ACYP2: variants seen among roughly 807,000 people sequenced by gnomAD.
The protein encoded by ACYP2 is acylphosphatase 2.
In ACYP2, 12 loss-of-function variants were observed where a neutral mutation model predicts 11.2. The observed-to-expected ratio is 1.08, with a 90% CI of 0.69 to 1.74. The LOEUF (loss-of-function observed/expected upper bound fraction) is 1.74, where lower values mean the gene tolerates loss of function less well. ACYP2 is among the 40% of genes most tolerant of loss of function. ACYP2 has a pLI of 0.00. For synonymous variants in ACYP2, 43 were observed against 32.2 expected (o/e 1.33, Z -1.13); for missense variants, 134 against 101.9 (o/e 1.31, Z -1.35).
intron 6 of ACYP2, among the ~76,000 whole-genome samples, chr2:54,205,527 GTTGATCTGTC>G (rs1342822864): frequency 6.6e-6 from 1 of 152,144 alleles, no homozygotes. Flanking sequence ...GATGGCTTGA[GTTGATCTGTC>G]TTCCCAGATG....
chr2:54,233,250 TGTGAAACTATCA>T (rs1421478718), intron 6 of ACYP2, among the ~76,000 whole-genome samples: 5 of 152,062 alleles, frequency 3.3e-5, no homozygotes, highest in African/African-American at 1.2e-4. Flanking sequence ...TGTGTATACC[TGTGAAACTATCA>T]CCATAATCAA....
intron 6 of ACYP2, among the ~76,000 whole-genome samples, chr2:54,268,455 C>T (rs1284829730): frequency 6.6e-6 from 1 of 151,976 alleles, no homozygotes; most frequent in Admixed American, 6.6e-5. Flanking sequence ...AGGGAACTTG[C>T]CTTTTTAAAT....
chr2:54,045,223 G>A (rs1443271517), intron 2 of ACYP2, among the ~76,000 whole-genome samples: 3 of 152,136 alleles, frequency 2.0e-5, no homozygotes. Context: ...ACTGATCAAT[G>A]ACCCCAGTTT....
At position 54,132,743 on chromosome 2, in the gene ACYP2, GA is replaced by G. The variant is rs1302293230; in HGVS notation, c.278-2709del. ...CACCTTTTATAGTGTACAATTGAAT[GA>G]TTTTTTTTTTTTTTTTTTGAGACTG... On this transcript the variant is annotated intron_variant, in intron 4 of 6. Coordinates refer to ENST00000607452, the MANE Select transcript of ACYP2 (RefSeq NM_001320586.2). 1.6e-4 allele frequency among the ~76,000 whole-genome samples: 23 copies of G among 143,244 alleles called. 1 individual carries two copies. Among genetic ancestry groups the G allele is most frequent in the Admixed American group, 1.3e-3 (18 of 14,188 alleles). The allele number at this position is 143,244 out of a possible 152,430, so 94.0% of individuals were successfully genotyped here. A position where few individuals can be genotyped will look rare whatever the true frequency, so the allele number is the denominator to read the frequency against.
At chr2:54,008,435 A>G (rs72904924) in intron 2 of ACYP2, among the ~76,000 whole-genome samples, 2,846 of 152,262 alleles carry the variant, frequency 0.019, 93 homozygotes, top group African/African-American at 0.065. Flanking sequence ...CCAGGAAAAG[A>G]GCAAATAAGT....
At chr2:54,299,609 GAAAAGAAAA>G (rs927105365) in intron 6 of ACYP2, among the ~76,000 whole-genome samples, 7 of 145,068 alleles carry the variant, frequency 4.8e-5, no homozygotes, top group African/African-American at 1.8e-4. Flanking sequence ...AAAAAAAAAA[GAAAAGAAAA>G]AAAAGAAAAC....
intron 6 of ACYP2, among the ~76,000 whole-genome samples, chr2:54,247,342 A>T (rs1392670803): frequency 6.6e-6 from 1 of 151,846 alleles, no homozygotes; most frequent in Non-Finnish European, 1.5e-5. Context: ...ACCCAAAAAG[A>T]CTCTTTGCTA....
At chr2:54,230,186 G>A (rs1020695144) in intron 6 of ACYP2, among the ~76,000 whole-genome samples, 3 of 152,080 alleles carry the variant, frequency 2.0e-5, no homozygotes, top group Non-Finnish European at 4.4e-5. Context: ...TTCCCCTTTT[G>A]TTTTCCTTCC....
At chr2:54,199,786 C>T (rs905358757) in intron 6 of ACYP2, among the ~76,000 whole-genome samples, 3 of 152,194 alleles carry the variant, frequency 2.0e-5, no homozygotes, top group African/African-American at 7.2e-5. Flanking sequence ...GGATTTCAAC[C>T]CAGGCAGCCT....
At position 54,148,247 on chromosome 2, in the gene ACYP2, GC is replaced by G. The variant is rs539635800; in HGVS notation, c.404+9502del. Among the ~76,000 whole-genome samples, 12 of 151,988 alleles carry G rather than the reference GC, an allele frequency of 7.9e-5. No homozygotes were observed. The East Asian group carries it at 1.4e-3, about 17-fold the overall frequency. Reference sequence around the variant, plus strand: ...TGAGAAATTGGCTTGGTTTTTTGATGCCCTGAAAAAAAAATTCTCTTGGCCA... The same window carrying G: ...TGAGAAATTGGCTTGGTTTTTTGATGCCTGAAAAAAAAATTCTCTTGGCCA... On this transcript the variant is annotated intron_variant, in intron 6 of 6. Transcript: ENST00000607452.
intron 6 of ACYP2, chr2:54,267,391 G>C: frequency 1.2e-5 from 18 of 1,536,270 alleles, no homozygotes; most frequent in Non-Finnish European, 1.6e-5. Flanking sequence ...TTTCAAATGA[G>C]AAGGGCTTAT....
intron 6 of ACYP2, among the ~76,000 whole-genome samples, chr2:54,268,593 G>A (rs1415041022): frequency 6.6e-6 from 1 of 150,684 alleles, no homozygotes; most frequent in African/African-American, 2.5e-5. Context: ...CTTGAGCCCA[G>A]GAGTTCGAAA....
At chr2:54,165,535 T>TCACACACACACA (rs1163844895) in intron 6 of ACYP2, among the ~76,000 whole-genome samples, 12 of 128,850 alleles carry the variant, frequency 9.3e-5, no homozygotes, top group African/African-American at 3.0e-4. Flanking sequence ...TCTCTCTCTC[T>TCACACACACACA]CACACACACA....
chr2:54,215,884 GC>G (rs1296737244), intron 6 of ACYP2, among the ~76,000 whole-genome samples: 1 of 152,112 alleles, frequency 6.6e-6, no homozygotes, highest in Non-Finnish European at 1.5e-5. Flanking sequence ...TGGAGTTTGT[GC>G]CAAAAAACAC....
At chr2:54,106,832 C>A (rs111819336) in intron 4 of ACYP2, among the ~76,000 whole-genome samples, 14,780 of 152,184 alleles carry the variant, frequency 0.097, 874 homozygotes, top group Non-Finnish European at 0.14. Flanking sequence ...ATCCGCCCCC[C>A]CTCGGCCTCC....
At chr2:54,106,882 C>A (rs578045959) in intron 4 of ACYP2, among the ~76,000 whole-genome samples, 1 of 152,218 alleles carries the variant, frequency 6.6e-6, no homozygotes, top group South Asian at 2.1e-4. Context: ...CCATGCCCGG[C>A]CAAATTTTGC....
chr2:54,186,605 C>T (rs1383739043), intron 6 of ACYP2, among the ~76,000 whole-genome samples: 1 of 152,044 alleles, frequency 6.6e-6, no homozygotes, highest in East Asian at 1.9e-4. Flanking sequence ...CCTCTGCCTC[C>T]CAGGTTCAAG....
intron 6 of ACYP2, among the ~76,000 whole-genome samples, chr2:54,285,039 G>C (rs886508097): frequency 6.6e-6 from 1 of 152,170 alleles, no homozygotes; most frequent in Non-Finnish European, 1.5e-5. Flanking sequence ...TCACGATCAA[G>C]GCACTAGCAG....
chr2:54,110,043 T>C (rs947199991), intron 4 of ACYP2, among the ~76,000 whole-genome samples: 2 of 152,234 alleles, frequency 1.3e-5, no homozygotes, highest in Non-Finnish European at 2.9e-5. Context: ...CTGTTTCTGA[T>C]GACCTTGACA....
Sources: gnomAD v4.1 joint callset for allele counts (sites outside exome capture counted in the v4.1 genomes callset) on GRCh38, gnomAD v4.1.1 for gene constraint, MANE v1.5 for transcripts, NCBI Gene and HGNC (gene_info 2026-07-23, HGNC 2026-07-21) for gene names.